Variants in VCP observed in about 807,000 individuals in gnomAD.
The protein encoded by VCP is valosin containing protein, also known as transitional endoplasmic reticulum ATPase.
VCP carries 6 observed loss-of-function variants against 85.7 expected under a neutral mutation model. The observed-to-expected ratio is 0.07, with a 90% CI of 0.04 to 0.14. The LOEUF is 0.14. Among genes scored for constraint, VCP ranks in the 10% least tolerant of loss-of-function variants. The pLI is 1.00. For missense variants in VCP, 353 were observed against 1,043.4 expected (o/e 0.34, Z 9.12); for synonymous variants, 384 against 367.1 (o/e 1.05, Z -0.53).
At chr9:35,067,246 T>C (rs1400062292) in intron 3 of VCP, among the ~76,000 whole-genome samples, 1 of 152,134 alleles carries the variant, frequency 6.6e-6, no homozygotes, top group Admixed American at 6.5e-5. Context: ...GAAAGCTACA[T>C]GAAACTTAGA....
rs35498216 is a variant in VCP at position 35,069,444 on chromosome 9, C to CTTT, written c.18-1085_18-1083dup. ...ACTAGACTCAGCAAGCTCCCTCTCC[C>CTTT]TTTTTTTTTTTTTTTTTTTTTTTTT... On this transcript the variant is annotated intron_variant, in intron 1 of 16. Coordinates refer to ENST00000358901, the MANE Select transcript of VCP (RefSeq NM_007126.5). Among the ~76,000 whole-genome samples the CTTT allele has an allele frequency of 2.1e-3, 206 of 96,082 alleles. 1 individual carries two copies. The highest frequency in any genetic ancestry group is 7.2e-3 in the Middle Eastern group (1 of 138). 63.0% of individuals were successfully genotyped at this position (96,082 alleles called of 152,430 possible). A position where few individuals can be genotyped will look rare whatever the true frequency, so the allele number is the denominator to read the frequency against.
In VCP at chr9:35,062,969, A is replaced by G. The variant is rs1179776648; in HGVS notation, c.811+9T>C. 3 of 1,613,760 alleles carry G rather than the reference A, an allele frequency of 1.9e-6. No homozygotes were observed. The highest frequency in any genetic ancestry group is 1.7e-6 in the Non-Finnish European group (2 of 1,179,862). ...TCTAGCTAGACATAAGATGAACCAA[A>G]TATCTCACCATTGATCAAGAAGAAG... On this transcript the variant is annotated intron_variant, in intron 7 of 16. Coordinates refer to ENST00000358901, the MANE Select transcript of VCP (RefSeq NM_007126.5).
At chr9:35,057,894 G>C (rs978064085) in intron 15 of VCP, 1 of 360,262 alleles carries the variant, frequency 2.8e-6, no homozygotes, top group African/African-American at 2.1e-5. Context: ...TATAGAAAGA[G>C]TGAATTTTAT....
chr9:35,061,171 A>G lies in VCP; in HGVS notation c.1203T>C (p.Asn401=). The change falls in exon 11 of 17, where the codon AAT becomes AAC. Residue 401 remains asparagine, a synonymous_variant. Transcript: ENST00000358901. ...ADDVDLEQVA[N]ETHGHVGADL... ...CAGCACCCACATGCCCGTGAGTCTCATTGGCTACCTGCAGAGAAAGATCTA... is the reference window on the plus strand; with the variant it reads ...CAGCACCCACATGCCCGTGAGTCTCGTTGGCTACCTGCAGAGAAAGATCTA... 6.2e-7 allele frequency: 1 copy of G among 1,613,218 alleles called. No homozygotes were observed. Among genetic ancestry groups the G allele is most frequent in the Non-Finnish European group, 8.5e-7 (1 of 1,179,894 alleles).
intron 1 of VCP, chr9:35,071,625 A>T (rs989046087): frequency 1.2e-6 from 1 of 834,776 alleles, no homozygotes; most frequent in African/African-American, 1.8e-5. Context: ...GAGTCATAAC[A>T]TTAAGGAAAA....
At chr9:35,061,828 C>T in intron 9 of VCP, 139 bp from the exon 10 acceptor site, 1 of 1,431,052 alleles carries the variant, frequency 7.0e-7, no homozygotes, top group Non-Finnish European at 9.8e-7. Context: ...TCTGGGAAAC[C>T]TTTCAGTCTC....
intron 2 of VCP, 59 bp from the exon 3 acceptor site, chr9:35,068,122 C>T (rs1032866768): frequency 6.2e-7 from 1 of 1,612,632 alleles, no homozygotes; most frequent in African/African-American, 1.3e-5. Context: ...AAGCAGCAGC[C>T]CTGGAGATTG....
intron 5 of VCP, among the ~76,000 whole-genome samples, chr9:35,064,539 A>T (rs1828790586): frequency 6.6e-6 from 1 of 152,124 alleles, no homozygotes; most frequent in Non-Finnish European, 1.5e-5. Flanking sequence ...TTTAAAAAAG[A>T]TTCTCCTCTA....
Position 35,059,272 on chromosome 9 carries a change from G to A in VCP, c.2005-53C>T, listed in dbSNP as rs140635919. The A allele has an allele frequency of 7.6e-3, 12,220 of 1,609,968 alleles. 64 individuals carry two copies. Among genetic ancestry groups the A allele is most frequent in the Non-Finnish European group, 9.3e-3 (10,922 of 1,178,088 alleles). On this transcript the variant is annotated intron_variant, in intron 14 of 16. Transcript: ENST00000358901. This position sits in a 1 kb window ranked among gnomAD's most constrained non-coding sequence, Gnocchi z 4.9. Reference sequence around the variant, plus strand: ...CATTTAGCCTCTCCTCTCGAGATACGCAGATCTTTGGGCTACCCGAGCACT... The same window carrying A: ...CATTTAGCCTCTCCTCTCGAGATACACAGATCTTTGGGCTACCCGAGCACT...
In VCP at chr9:35,059,002, T is replaced by C. The variant is rs2093515866; in HGVS notation, c.2160+62A>G. 6 of 1,606,624 alleles carry C rather than the reference T, an allele frequency of 3.7e-6. No homozygotes were observed. The highest frequency in any genetic ancestry group is 5.1e-6 in the Non-Finnish European group (6 of 1,177,482). On this transcript the variant is annotated intron_variant, in intron 15 of 16. Coordinates refer to ENST00000358901, the MANE Select transcript of VCP (RefSeq NM_007126.5). This position sits in a 1 kb window ranked among gnomAD's most constrained non-coding sequence, Gnocchi z 4.9. Reference sequence around the variant, plus strand: ...AGCTTCTACTCTCAACTCCAGGGCATGGTGGTGGCTGCTGCCTGGCTCTCC... The same window carrying C: ...AGCTTCTACTCTCAACTCCAGGGCACGGTGGTGGCTGCTGCCTGGCTCTCC...
chr9:35,060,544 A>G lies in VCP; in HGVS notation c.1483-19T>C. 1 of 1,612,024 alleles carries G rather than the reference A, an allele frequency of 6.2e-7. No homozygotes were observed. Among genetic ancestry groups the G allele is most frequent in the Non-Finnish European group, 8.5e-7 (1 of 1,178,638 alleles). The stretch of plus-strand genomic sequence containing the variant: ...CAGGATACTAGGAGGAAAAGGAAAG[A>G]GGGTTCAAGGCTACCTCCACATTTT... On this transcript the variant is annotated intron_variant, in intron 12 of 16. Coordinates refer to ENST00000358901, the MANE Select transcript of VCP (RefSeq NM_007126.5).
intron 6 of VCP, 63 bp from the exon 7 acceptor site, chr9:35,063,143 C>T (rs1287727884): frequency 6.8e-7 from 1 of 1,467,070 alleles, no homozygotes. Context: ...AATGGCTTGA[C>T]TAGCGCTCCA....
intron 1 of VCP, among the ~76,000 whole-genome samples, chr9:35,068,861 T>G (rs909098915): frequency 6.6e-6 from 1 of 152,214 alleles, no homozygotes; most frequent in African/African-American, 2.4e-5. Context: ...TCTCAGAGGC[T>G]TATTGTCTTA....
chr9:35,065,149 T>G (rs776726125), intron 5 of VCP, 102 bp downstream of exon 5: 1 of 1,564,982 alleles, frequency 6.4e-7, no homozygotes. Flanking sequence ...ATTACAGGTG[T>G]CAGCCACCGC....
At chr9:35,061,442 A>G (rs1345213154) in intron 10 of VCP, 135 bp downstream of exon 10, 7 of 972,464 alleles carry the variant, frequency 7.2e-6, no homozygotes, top group African/African-American at 1.6e-5. Context: ...CCTGGATTCA[A>G]TCTCAGATTA....
intron 1 of VCP, chr9:35,072,123 A>G (rs1828965221): frequency 4.4e-6 from 6 of 1,367,350 alleles, no homozygotes; most frequent in Non-Finnish European, 5.6e-6. Context: ...ACCCGGACCC[A>G]ACGCAAGCCC....
intron 1 of VCP, 195 bp downstream of exon 1, chr9:35,072,142 G>A (rs1828966031): frequency 1.4e-6 from 2 of 1,393,864 alleles, no homozygotes; most frequent in African/African-American, 1.5e-5. Flanking sequence ...CCCGCCTAGG[G>A]GGCGCGCGGG....
At chr9:35,057,623 T>A in intron 15 of VCP, 93 bp from the exon 16 acceptor site, 2 of 1,541,500 alleles carry the variant, frequency 1.3e-6, no homozygotes, top group Non-Finnish European at 1.8e-6. Flanking sequence ...TTGGTCTCCT[T>A]GCCCTTCCAA....
intron 10 of VCP, 79 bp from the exon 11 acceptor site, chr9:35,061,258 C>A: frequency 6.3e-7 from 1 of 1,583,494 alleles, no homozygotes; most frequent in Non-Finnish European, 8.6e-7. Context: ...AGAATCCTTC[C>A]CCTGACTGCT....
Sources: gnomAD v4.1 joint callset for allele counts (sites outside exome capture counted in the v4.1 genomes callset) on GRCh38, gnomAD v4.1.1 for gene constraint, Gnocchi (gnomAD v3.1) non-coding constraint, MANE v1.5 for transcripts, NCBI Gene and HGNC (gene_info 2026-07-23, HGNC 2026-07-21) for gene names.